The following PGD variants were observed in gnomAD, a reference collection of about 807,000 sequenced individuals.
PGD encodes the protein phosphogluconate dehydrogenase.
A neutral mutation model predicts 60.4 loss-of-function variants in PGD; 21 were observed. That is an observed-to-expected ratio of 0.35 (90% CI 0.25 to 0.50). The LOEUF is 0.50. Ranked by LOEUF, PGD falls within the 20% of genes least tolerant of loss-of-function variation. The probability of loss-of-function intolerance (pLI) is 0.98; values close to 1 mark genes in which losing one functional copy is unlikely to be tolerated. For synonymous variants in PGD, 230 were observed against 235.9 expected (o/e 0.97, Z 0.23); for missense variants, 477 against 613.1 (o/e 0.78, Z 2.34).
intron 5 of PGD, among the ~76,000 whole-genome samples, chr1:10,405,250 G>A (rs992313503): frequency 6.6e-6 from 1 of 151,154 alleles, no homozygotes; most frequent in African/African-American, 2.4e-5. Context: ...GCGTGCGCCT[G>A]TAGTCCCAGC....
rs1639294461 is a variant in PGD at position 10,400,395 on chromosome 1, C to T, written c.87C>T (p.Val29=). 1 of 1,611,524 alleles carries T rather than the reference C, an allele frequency of 6.2e-7. No homozygotes were observed. Among genetic ancestry groups the T allele is most frequent in the Admixed American group, 1.7e-5 (1 of 59,818 alleles). The part of the protein sequence containing the change: ...ILNMNDHGFV[V]CAFNRTVSKV... ...ACTCAGGACTTTTGTCCTTCTAGGT[C>T]TGTGCTTTTAATAGGACTGTCTCCA... The change falls in exon 3 of 13, where the codon GTC becomes GTT. Residue 29 remains valine (V), a splice_region_variant and synonymous_variant. Coordinates refer to ENST00000270776, the MANE Select transcript of PGD (RefSeq NM_002631.4).
At chr1:10,405,113 G>A (rs572869612) in intron 5 of PGD, among the ~76,000 whole-genome samples, 4 of 152,026 alleles carry the variant, frequency 2.6e-5, no homozygotes, top group East Asian at 2.0e-4. Context: ...GGTGGCTCAC[G>A]CCTGTAATCC....
chr1:10,420,182 A>G lies in PGD; in HGVS notation c.*433A>G, dbSNP rs951769767. 1.3e-5 allele frequency: 2 copies of G among 157,500 alleles called. No individual in the cohort carries two copies. Among genetic ancestry groups the G allele is most frequent in the Admixed American group, 6.1e-5 (1 of 16,306 alleles). 9.8% of individuals were successfully genotyped at this position (157,500 alleles called of 1,614,324 possible). ...AGATTCTTAGTCTCACCTCGGCCAC[A>G]TGGAGCCATTATCCCCATTGGCAGA... is the stretch of plus-strand genomic sequence containing the variant. On this transcript the variant is annotated 3_prime_UTR_variant, in exon 13 of 13. Transcript: ENST00000270776.
chr1:10,400,604 C>T, intron 3 of PGD, 32 bp downstream of exon 3: 3 of 1,524,622 alleles, frequency 2.0e-6, no homozygotes, highest in East Asian at 2.3e-5. Context: ...GCTGCTACCA[C>T]GATAGCAGCT....
rs2124206560 is a variant in PGD at position 10,413,103 on chromosome 1, G to C, written c.696G>C (p.Leu232=). The part of the protein sequence containing the change: ...DWNKTELDSF[L]IEITANILKF... ...ATAAGACAGAGCTAGACTCATTCCT[G>C]ATTGAAATCACAGCCAATATTCTCA... The change falls in exon 8 of 13, where the codon CTG becomes CTC. Residue 232 remains leucine, a synonymous_variant. Coordinates refer to ENST00000270776, the MANE Select transcript of PGD (RefSeq NM_002631.4). 1 of 1,614,112 alleles carries C rather than the reference G, an allele frequency of 6.2e-7. No individual in the cohort carries two copies. The highest frequency in any genetic ancestry group is 8.5e-7 in the Non-Finnish European group (1 of 1,179,984).
intron 11 of PGD, among the ~76,000 whole-genome samples, 156 bp downstream of exon 11, chr1:10,419,081 T>C (rs562008519): frequency 1.4e-4 from 21 of 151,550 alleles, no homozygotes; most frequent in African/African-American, 4.8e-4. Flanking sequence ...TGATCTTGGC[T>C]CACTGCAACC....
chr1:10,412,849 G>A, intron 7 of PGD: 1 of 512,964 alleles, frequency 1.9e-6, no homozygotes, highest in Non-Finnish European at 3.5e-6. Context: ...AACACTTCTG[G>A]TGGCCAGAAA....
At chr1:10,415,154 TACA>T in intron 8 of PGD, 1 of 152,246 alleles carries the variant, frequency 6.6e-6, no homozygotes, top group African/African-American at 2.4e-5. Flanking sequence ...CTCCTCTGGA[TACA>T]GGTTGCCTTT....
At chr1:10,407,404 T>C (rs998642410) in intron 5 of PGD, among the ~76,000 whole-genome samples, 1 of 152,098 alleles carries the variant, frequency 6.6e-6, no homozygotes, top group African/African-American at 2.4e-5. Context: ...GAGCCGTGAT[T>C]GTGCCACTGC....
chr1:10,399,358 G>A (rs1365339028), intron 1 of PGD: 7 of 544,752 alleles, frequency 1.3e-5, no homozygotes, highest in Admixed American at 8.0e-5. Context: ...TCCCTTCGAG[G>A]GCCAGGGAGG....
Position 10,419,677 on chromosome 1 carries a change from A to T in PGD, c.1380A>T (p.Lys460Asn), listed in dbSNP as rs1338954678. The T allele has an allele frequency of 1.2e-6, 2 of 1,614,166 alleles. No homozygotes were observed. The highest frequency in any genetic ancestry group is 1.7e-6 in the Non-Finnish European group (2 of 1,180,030). ...CTCACACCTATGAACTCTTGGCCAA[A>T]CCAGGGCAGTTTATCCACACCAACT... ...FGAHTYELLA[K>N]PGQFIHTNWT... The change falls in exon 13 of 13, where the codon AAA becomes AAT. Residue 460 changes from lysine to asparagine, a missense_variant. Lys to Asn is a moderately conservative substitution (Grantham distance 94). Coordinates refer to ENST00000270776, the MANE Select transcript of PGD (RefSeq NM_002631.4).
chr1:10,419,580 G>C (rs1471590969), intron 12 of PGD, 41 bp downstream of exon 12: 1 of 1,614,052 alleles, frequency 6.2e-7, no homozygotes, highest in Admixed American at 1.7e-5. Flanking sequence ...TGGCCCCTCG[G>C]GGGCGTGCGC....
At chr1:10,418,593 G>A (rs1036659370) in intron 10 of PGD, among the ~76,000 whole-genome samples, 8 of 152,004 alleles carry the variant, frequency 5.3e-5, no homozygotes, top group Admixed American at 3.3e-4. Context: ...TGGCTAACAC[G>A]GTGAAACCCT....
At position 10,400,419 on chromosome 1, in the gene PGD, C is replaced by T; in HGVS notation, c.111C>T (p.Ser37=). ...FVVCAFNRTV[S]KVDDFLANEA... is the part of the protein sequence containing the mutation. ...TCTGTGCTTTTAATAGGACTGTCTC[C>T]AAAGTTGATGATTTCTTGGCCAATG... The change falls in exon 3 of 13, where the codon TCC becomes TCT. Residue 37 remains serine (S), a synonymous_variant. Transcript: ENST00000270776. 2 of 1,613,790 alleles carry T rather than the reference C, an allele frequency of 1.2e-6. No individual in the cohort carries two copies. Among genetic ancestry groups the T allele is most frequent in the Non-Finnish European group, 1.7e-6 (2 of 1,179,788 alleles).
rs1208980110 is a variant in PGD, at chr1:10,419,780, C to T, written c.*31C>T. On this transcript the variant is annotated 3_prime_UTR_variant, in exon 13 of 13. Transcript: ENST00000270776. ...CTGCTCCTGTCACCCTCCACGATTCCACAGACCAGGACATTCCATGTGCCT... is the reference window on the plus strand; with the variant it reads ...CTGCTCCTGTCACCCTCCACGATTCTACAGACCAGGACATTCCATGTGCCT... The T allele has an allele frequency of 1.9e-6, 3 of 1,613,356 alleles. No homozygotes were observed. The highest frequency in any genetic ancestry group is 1.3e-5 in the African/African-American group (1 of 74,942).
intron 5 of PGD, among the ~76,000 whole-genome samples, chr1:10,405,425 C>CACACACACACACATACAT (rs548786254): frequency 6.7e-5 from 10 of 149,456 alleles, no homozygotes; most frequent in Non-Finnish European, 1.5e-4. Context: ...CACACACACA[C>CACACACACACACATACAT]ATATATATAA....
intron 8 of PGD, among the ~76,000 whole-genome samples, chr1:10,415,919 C>T (rs947356638): frequency 6.6e-5 from 10 of 151,960 alleles, no homozygotes; most frequent in African/African-American, 2.4e-4. Context: ...TGAATGATTA[C>T]GGCTATACTG....
chr1:10,419,329 T>C (rs1639649460), intron 11 of PGD, 88 bp from the exon 12 acceptor site: 15 of 1,532,502 alleles, frequency 9.8e-6, no homozygotes, highest in Non-Finnish European at 1.1e-5. Context: ...ACCATCAGTT[T>C]TTCATTTACC....
intron 3 of PGD, 120 bp downstream of exon 3, chr1:10,400,692 C>A: frequency 2.8e-6 from 2 of 719,898 alleles, no homozygotes; most frequent in Non-Finnish European, 4.5e-6. Context: ...AAGCTCTGAC[C>A]AAATGATTGC....
Sources: allele counts gnomAD v4.1 joint callset (sites outside exome capture counted in the v4.1 genomes callset), GRCh38; gene constraint gnomAD v4.1.1; transcripts MANE v1.5; gene names NCBI Gene and HGNC (gene_info 2026-07-23, HGNC 2026-07-21).